PRKCB: variants seen among roughly 807,000 people sequenced by gnomAD.
PRKCB encodes the protein protein kinase C beta.
In PRKCB, 13 loss-of-function variants were observed where a neutral mutation model predicts 81.5. The ratio of observed to expected loss-of-function variants is 0.16; its 90% CI spans 0.10 to 0.25. PRKCB has a LOEUF of 0.25. PRKCB is among the 10% of genes least tolerant of loss of function. The pLI is 1.00. For synonymous variants in PRKCB, 335 were observed against 321.4 expected (o/e 1.04, Z -0.45); for missense variants, 509 against 875.7 (o/e 0.58, Z 5.29).
At chr16:23,862,953 A>T (rs1962699520) in intron 2 of PRKCB, among the ~76,000 whole-genome samples, 1 of 152,026 alleles carries the variant, frequency 6.6e-6, no homozygotes, top group Non-Finnish European at 1.5e-5. Context: ...AGGCATTCCT[A>T]ATTTTGCTTT....
At chr16:24,166,406 A>G (rs1191350809) in intron 10 of PRKCB, among the ~76,000 whole-genome samples, 1 of 152,230 alleles carries the variant, frequency 6.6e-6, no homozygotes, top group Admixed American at 6.5e-5. Context: ...TAGGCAGTGC[A>G]TCATAATCTG....
intron 3 of PRKCB, among the ~76,000 whole-genome samples, chr16:24,002,308 T>C (rs990355437): frequency 6.6e-4 from 90 of 137,342 alleles, no homozygotes; most frequent in Non-Finnish European, 3.8e-4. Flanking sequence ...GGTGTGTGTG[T>C]GTGTATGTGT....
intron 16 of PRKCB, among the ~76,000 whole-genome samples, chr16:24,211,523 T>A (rs1016207728): frequency 2.0e-5 from 3 of 151,446 alleles, no homozygotes; most frequent in Non-Finnish European, 4.4e-5. Context: ...GTGGGTAGCA[T>A]AATGCCAGGG....
intron 2 of PRKCB, among the ~76,000 whole-genome samples, chr16:23,879,741 G>A (rs533574000): frequency 2.7e-4 from 41 of 152,182 alleles, no homozygotes; most frequent in African/African-American, 9.4e-4. Flanking sequence ...TGATCCGCCC[G>A]CCTCGACCTT....
chr16:24,120,732 C>T (rs1966790421), intron 8 of PRKCB, among the ~76,000 whole-genome samples: 1 of 109,324 alleles, frequency 9.1e-6, no homozygotes, highest in African/African-American at 3.7e-5. Flanking sequence ...ACAACTGAGT[C>T]CATCATTTTT....
chr16:23,852,985 G>C (rs1233508064), intron 2 of PRKCB, among the ~76,000 whole-genome samples: 1 of 152,186 alleles, frequency 6.6e-6, no homozygotes, highest in African/African-American at 2.4e-5. Flanking sequence ...GCACCTTCTG[G>C]AATCACCCAT....
chr16:24,210,772 T>C (rs1968127686), intron 16 of PRKCB, among the ~76,000 whole-genome samples: 1 of 152,202 alleles, frequency 6.6e-6, no homozygotes, highest in Non-Finnish European at 1.5e-5. Flanking sequence ...AGTGCTGGGA[T>C]TATAGGCGTG....
At chr16:24,058,547 A>G (rs1965934394) in intron 5 of PRKCB, among the ~76,000 whole-genome samples, 1 of 152,162 alleles carries the variant, frequency 6.6e-6, no homozygotes, top group South Asian at 2.1e-4. Flanking sequence ...GTGTGTTTGG[A>G]CCATAGATTG....
At chr16:23,914,581 T>A (rs1963709953) in intron 2 of PRKCB, among the ~76,000 whole-genome samples, 1 of 152,196 alleles carries the variant, frequency 6.6e-6, no homozygotes, top group African/African-American at 2.4e-5. Flanking sequence ...AATTAATTAA[T>A]GTCTCTATGC....
intron 10 of PRKCB, among the ~76,000 whole-genome samples, chr16:24,161,147 A>G (rs1453084702): frequency 1.3e-5 from 2 of 152,234 alleles, no homozygotes; most frequent in African/African-American, 4.8e-5. Flanking sequence ...AATACTGGAT[A>G]AAAGTGAAAG....
At chr16:23,880,928 G>C (rs1255857678) in intron 2 of PRKCB, among the ~76,000 whole-genome samples, 1 of 151,718 alleles carries the variant, frequency 6.6e-6, no homozygotes, top group Non-Finnish European at 1.5e-5. Context: ...TTTTTTGTAT[G>C]GTTCTGTAGT....
chr16:23,851,340 T>C (rs1338658220), intron 2 of PRKCB, among the ~76,000 whole-genome samples: 2 of 152,244 alleles, frequency 1.3e-5, no homozygotes, highest in Non-Finnish European at 2.9e-5. Flanking sequence ...GAAGAGACTG[T>C]CCTTTCCCTC....
intron 9 of PRKCB, among the ~76,000 whole-genome samples, chr16:24,143,367 A>G (rs1239622298): frequency 6.6e-6 from 1 of 152,140 alleles, no homozygotes; most frequent in Non-Finnish European, 1.5e-5. Flanking sequence ...TCCTAACCTC[A>G]GATGATCCAC....
chr16:24,168,505 C>A (rs944858342), intron 10 of PRKCB, among the ~76,000 whole-genome samples: 4 of 144,434 alleles, frequency 2.8e-5, no homozygotes, highest in African/African-American at 1.0e-4. Context: ...TGATAATTTC[C>A]ATTTCATCAT....
chr16:23,997,845 G>A (rs752727205), intron 3 of PRKCB, among the ~76,000 whole-genome samples: 5 of 152,092 alleles, frequency 3.3e-5, no homozygotes, highest in Non-Finnish European at 7.3e-5. Flanking sequence ...TTTATTTGGA[G>A]GTTCTTTATT....
chr16:24,111,522 T>C (rs926819555), intron 7 of PRKCB, among the ~76,000 whole-genome samples: 1 of 151,878 alleles, frequency 6.6e-6, no homozygotes, highest in African/African-American at 2.4e-5. Flanking sequence ...CATGGTGGGA[T>C]GTGCCTATAA....
chr16:23,984,224 C>T (rs1240305892), intron 2 of PRKCB, among the ~76,000 whole-genome samples: 2 of 152,148 alleles, frequency 1.3e-5, no homozygotes, highest in Non-Finnish European at 2.9e-5. Context: ...GTAGAATAGT[C>T]ATGATATGGT....
At chr16:24,000,593 A>G (rs1285617300) in intron 3 of PRKCB, among the ~76,000 whole-genome samples, 1 of 152,250 alleles carries the variant, frequency 6.6e-6, no homozygotes, top group Non-Finnish European at 1.5e-5. Context: ...AATGAGAAAG[A>G]GTTCACAAAC....
rs756446345 is a variant in PRKCB at position 23,924,196 on chromosome 16, C to T, written c.206-64312C>T. Among the ~76,000 whole-genome samples, 7 of 151,940 alleles carry T rather than the reference C, an allele frequency of 4.6e-5. 1 individual carries two copies. Among genetic ancestry groups the T allele is most frequent in the African/African-American group, 7.2e-5 (3 of 41,398 alleles). On this transcript the variant is annotated intron_variant, in intron 2 of 16. Coordinates refer to ENST00000643927, the MANE Select transcript of PRKCB (RefSeq NM_002738.7). ...ATGGTTTTATAAGGGGCTCCTCCCC[C>T]TTCACTCCTCACTCTTCTCTCTCCC...
Sources: allele counts gnomAD v4.1 joint callset (sites outside exome capture counted in the v4.1 genomes callset), GRCh38; gene constraint gnomAD v4.1.1; transcripts MANE v1.5; gene names NCBI Gene and HGNC (gene_info 2026-07-23, HGNC 2026-07-21).